Variants in STAP1 observed in about 807,000 individuals in gnomAD.
The protein encoded by STAP1 is signal transducing adaptor family member 1.
Under a neutral mutation model 37.8 loss-of-function variants are expected in STAP1, and 30 were observed. The ratio of observed to expected loss-of-function variants is 0.79; its 90% CI spans 0.59 to 1.08. The LOEUF (loss-of-function observed/expected upper bound fraction) is 1.08, where lower values mean the gene tolerates loss of function less well. Ranked by LOEUF, STAP1 falls within the 50% of genes least tolerant of loss-of-function variation. The pLI is 0.00. For synonymous variants in STAP1, 130 were observed against 116.0 expected, an observed-to-expected ratio of 1.12 and a Z score of -0.78; for missense variants, 357 against 349.4, an observed-to-expected ratio of 1.02 and a Z score of -0.17.
At chr4:67,584,752 A>G (rs2109867325) in intron 6 of STAP1, among the ~76,000 whole-genome samples, 1 of 152,320 alleles carries the variant, frequency 6.6e-6, no homozygotes, top group South Asian at 2.1e-4. Flanking sequence ...AAAAGAGCAA[A>G]GAGAAAAGTG....
At chr4:67,595,837 C>T (rs776080184) in intron 8 of STAP1, among the ~76,000 whole-genome samples, 3 of 152,100 alleles carry the variant, frequency 2.0e-5, no homozygotes, top group Non-Finnish European at 4.4e-5. Flanking sequence ...TGGATTATGT[C>T]GAATCTGTTG....
At chr4:67,602,139 G>A (rs1408300052) in intron 8 of STAP1, among the ~76,000 whole-genome samples, 2 of 151,496 alleles carry the variant, frequency 1.3e-5, no homozygotes, top group Non-Finnish European at 2.9e-5. Context: ...GAGAGATTCT[G>A]ATATATCCTT....
chr4:67,602,742 T>G (rs1452998180), intron 8 of STAP1, among the ~76,000 whole-genome samples: 6 of 152,260 alleles, frequency 3.9e-5, no homozygotes, highest in Middle Eastern at 3.4e-3. Flanking sequence ...TCTCTGTGTG[T>G]GTGTGCTGAG....
chr4:67,568,301 T>C (rs6857296), intron 1 of STAP1, among the ~76,000 whole-genome samples: 81,410 of 151,980 alleles, frequency 0.54, 22,582 homozygotes, highest in Non-Finnish European at 0.59. Flanking sequence ...ATAACTTTCT[T>C]ATATTAATCG....
chr4:67,582,685 G>A (rs1727891303), intron 5 of STAP1, among the ~76,000 whole-genome samples: 3 of 151,472 alleles, frequency 2.0e-5, no homozygotes, highest in Admixed American at 1.3e-4. Flanking sequence ...ATTTACAGGT[G>A]GTCTGTATAA....
At position 67,581,481 on chromosome 4, in the gene STAP1, C is replaced by A; in HGVS notation, c.530+10C>A. On this transcript the variant is annotated intron_variant, in intron 5 of 8. Transcript: ENST00000265404. ...TGAACCCTATGCCAGCGTAAGTGCACAATGAACTGCAGTTTATTCATTCGA... is the reference window on the plus strand; with the variant it reads ...TGAACCCTATGCCAGCGTAAGTGCAAAATGAACTGCAGTTTATTCATTCGA... 6.3e-7 allele frequency: 1 copy of A among 1,593,124 alleles called. No homozygotes were observed. The highest frequency in any genetic ancestry group is 8.5e-7 in the Non-Finnish European group (1 of 1,171,222).
intron 7 of STAP1, among the ~76,000 whole-genome samples, chr4:67,592,380 C>T (rs947959323): frequency 6.6e-6 from 1 of 152,160 alleles, no homozygotes; most frequent in Admixed American, 6.5e-5. Flanking sequence ...GGTAGAGACA[C>T]ATTTTATCTA....
chr4:67,566,368 T>C (rs1158820275), intron 1 of STAP1, among the ~76,000 whole-genome samples: 1 of 152,216 alleles, frequency 6.6e-6, no homozygotes, highest in Non-Finnish European at 1.5e-5. Flanking sequence ...CTTTTATTAT[T>C]GACAAATTAT....
At chr4:67,559,518 T>C (rs1203705868) in intron 1 of STAP1, among the ~76,000 whole-genome samples, 1 of 152,118 alleles carries the variant, frequency 6.6e-6, no homozygotes, top group Non-Finnish European at 1.5e-5. Flanking sequence ...TTAAGTACAC[T>C]AAGCTACATA....
chr4:67,583,880 C>A (rs1452819208), intron 6 of STAP1, among the ~76,000 whole-genome samples, 178 bp downstream of exon 6: 3 of 152,054 alleles, frequency 2.0e-5, no homozygotes, highest in Non-Finnish European at 4.4e-5. Flanking sequence ...AGACGGATCA[C>A]AAGGTCAGGA....
At chr4:67,595,050 G>T (rs1198549225) in intron 8 of STAP1, among the ~76,000 whole-genome samples, 1 of 152,054 alleles carries the variant, frequency 6.6e-6, no homozygotes, top group East Asian at 1.9e-4. Flanking sequence ...TGCTTCTGTA[G>T]ATTGTACTTT....
chr4:67,567,349 G>A (rs1727493395), intron 1 of STAP1, among the ~76,000 whole-genome samples: 1 of 136,810 alleles, frequency 7.3e-6, no homozygotes, highest in East Asian at 2.0e-4. Context: ...TTCATTGCAT[G>A]TTATAACCAG....
chr4:67,578,575 G>GA (rs781566664), intron 4 of STAP1, among the ~76,000 whole-genome samples: 6 of 152,230 alleles, frequency 3.9e-5, no homozygotes, highest in Admixed American at 1.3e-4. Flanking sequence ...CTCTGTTGTG[G>GA]AAAATATCTC....
chr4:67,596,511 G>A (rs958609238), intron 8 of STAP1, among the ~76,000 whole-genome samples: 1 of 152,172 alleles, frequency 6.6e-6, no homozygotes, highest in Admixed American at 6.5e-5. Context: ...CTCAGAAGAA[G>A]ACAAAAAGAT....
chr4:67,606,029 A>G (rs967577482), intron 8 of STAP1, among the ~76,000 whole-genome samples: 6 of 152,344 alleles, frequency 3.9e-5, no homozygotes, highest in African/African-American at 1.4e-4. Context: ...TCCAGAAATT[A>G]GCAGTTTAAA....
Position 67,599,683 on chromosome 4 carries a change from C to T in STAP1, c.826+6327C>T, listed in dbSNP as rs370525954. On this transcript the variant is annotated intron_variant, in intron 8 of 8. Transcript: ENST00000265404. The stretch of plus-strand genomic sequence containing the variant: ...TTGAGATGGAGTCTCAGTCTGTCAC[C>T]CAGACTGGAGTGCAGTGGCACAATC... 4.1e-3 allele frequency among the ~76,000 whole-genome samples: 628 copies of T among 151,536 alleles called. 7 individuals are homozygous for T. The highest frequency in any genetic ancestry group is 0.014 in the African/African-American group (590 of 41,298).
intron 5 of STAP1, among the ~76,000 whole-genome samples, chr4:67,583,289 T>C (rs1347080323): frequency 6.6e-6 from 1 of 152,216 alleles, no homozygotes; most frequent in Non-Finnish European, 1.5e-5. Context: ...TAATTCTTGT[T>C]GGTAATGATG....
chr4:67,602,830 C>G (rs1413318980), intron 8 of STAP1, among the ~76,000 whole-genome samples: 1 of 151,958 alleles, frequency 6.6e-6, no homozygotes, highest in Non-Finnish European at 1.5e-5. Context: ...TGGGTCATAC[C>G]TGGAGCCAGC....
Position 67,581,442 on chromosome 4 carries a change from T to G in STAP1, c.501T>G (p.Asp167Glu). The change falls in exon 5 of 9, where the codon GAT (aspartate) becomes GAG (glutamate). Residue 167 changes from aspartate (D) to glutamate (E), a missense_variant. Physicochemically the swap from Asp to Glu is conservative, Grantham distance 45 (BLOSUM62 2). Transcript: ENST00000265404. ...AAAAAGAGAAGGAACCAACTGAAGA[T>G]TATGTGGATGTACTGAACCCTATGC... ...SVEKEKEPTE[D>E]YVDVLNPMPA... The G allele has an allele frequency of 6.2e-7, 1 of 1,613,594 alleles. No homozygotes were observed. Among genetic ancestry groups the G allele is most frequent in the South Asian group, 1.1e-5 (1 of 90,894 alleles).
Sources: gnomAD v4.1 joint callset for allele counts (sites outside exome capture counted in the v4.1 genomes callset) on GRCh38, gnomAD v4.1.1 for gene constraint, MANE v1.5 for transcripts, NCBI Gene and HGNC (gene_info 2026-07-23, HGNC 2026-07-21) for gene names.